The following IGFL2 variants were observed in gnomAD, a reference collection of about 807,000 sequenced individuals.
IGFL2 encodes insulin growth factor-like family member 2.
A neutral mutation model predicts 13.9 loss-of-function variants in IGFL2; 7 were observed. That is an observed-to-expected ratio of 0.51 (90% CI 0.29 to 0.95). The LOEUF is 0.95. Among genes scored for constraint, IGFL2 ranks in the 40% least tolerant of loss-of-function variants. The probability of loss-of-function intolerance (pLI) is 0.08; values close to 1 mark genes in which losing one functional copy is unlikely to be tolerated. For synonymous variants in IGFL2, 55 were observed against 55.8 expected (o/e 0.99, Z 0.07); for missense variants, 138 against 147.8 (o/e 0.93, Z 0.34).
At chr19:46,202,653 A>G in the IGFL2 span, 1 of 152,212 alleles carries the variant, frequency 6.6e-6, no homozygotes, top group Non-Finnish European at 1.5e-5. Flanking sequence ...CAGTGATTAG[A>G]CACCAAGGGA....
chr19:46,102,874 T>C, the IGFL2 span, among the ~76,000 whole-genome samples: 589 of 152,246 alleles, frequency 3.9e-3, 6 homozygotes, highest in African/African-American at 0.014. Flanking sequence ...ATGGCTGCTT[T>C]GAGCAGGATT....
At chr19:46,191,641 T>A in the IGFL2 span, among the ~76,000 whole-genome samples, 1 of 152,102 alleles carries the variant, frequency 6.6e-6, no homozygotes, top group Non-Finnish European at 1.5e-5. Flanking sequence ...CTCTCTCCTT[T>A]TTTTCTCCAA....
At chr19:46,197,140 G>A in the IGFL2 span, 24 of 225,368 alleles carry the variant, frequency 1.1e-4, no homozygotes, top group Middle Eastern at 5.1e-4. Context: ...CCTCGGATGG[G>A]ACCCAGAGGG....
the IGFL2 span, among the ~76,000 whole-genome samples, chr19:46,205,973 G>A: frequency 6.6e-6 from 1 of 152,144 alleles, no homozygotes; most frequent in Non-Finnish European, 1.5e-5. Flanking sequence ...GGAAGGGCTG[G>A]GAAGCTGACA....
the IGFL2 span, among the ~76,000 whole-genome samples, chr19:46,087,145 T>G: frequency 6.6e-6 from 1 of 151,974 alleles, no homozygotes. Flanking sequence ...GCAGTGGTAT[T>G]TGGATGGGTG....
upstream of IGFL2, among the ~76,000 whole-genome samples, chr19:46,140,356 C>T (rs1972807756): frequency 6.6e-6 from 1 of 152,104 alleles, no homozygotes. Context: ...AAGAAAGTCT[C>T]AGCTTCCAGA....
chr19:46,205,209 T>G, the IGFL2 span, among the ~76,000 whole-genome samples: 1 of 152,144 alleles, frequency 6.6e-6, no homozygotes, highest in African/African-American at 2.4e-5. Flanking sequence ...AAAAGCACCC[T>G]CCAAATCATA....
At chr19:46,197,056 C>T in the IGFL2 span, 9 of 219,826 alleles carry the variant, frequency 4.1e-5, no homozygotes, top group East Asian at 8.8e-4. Context: ...TGATGCTGTG[C>T]CAGCCACAGG....
chr19:46,188,087 A>C, the IGFL2 span, among the ~76,000 whole-genome samples: 1 of 152,198 alleles, frequency 6.6e-6, no homozygotes, highest in Non-Finnish European at 1.5e-5. Flanking sequence ...TAGCATTCCA[A>C]TAATGGAACA....
the IGFL2 span, among the ~76,000 whole-genome samples, chr19:46,109,884 T>G: frequency 6.6e-6 from 1 of 152,228 alleles, no homozygotes; most frequent in Non-Finnish European, 1.5e-5. Flanking sequence ...TTCACTTCTT[T>G]TGTGGATCTT....
the IGFL2 span, among the ~76,000 whole-genome samples, chr19:46,186,229 G>A: frequency 5.3e-5 from 8 of 152,178 alleles, 1 homozygote; most frequent in Non-Finnish European, 1.5e-5. Flanking sequence ...ACCAGGAAAC[G>A]GCCGTGGATC....
Position 46,161,178 on chromosome 19 carries a change from T to C in IGFL2, c.*90T>C. Reference sequence around the variant, plus strand: ...TGTACCAGTAGAGAAGCCTGAGGAATTTACAAAATGATGCAGCTCCAAGCC... The same window carrying C: ...TGTACCAGTAGAGAAGCCTGAGGAACTTACAAAATGATGCAGCTCCAAGCC... On this transcript the variant is annotated 3_prime_UTR_variant, in exon 4 of 4. Transcript: ENST00000377693. The C allele has an allele frequency of 1.0e-6, 1 of 1,000,584 alleles. No individual in the cohort carries two copies. Among genetic ancestry groups the C allele is most frequent in the South Asian group, 1.4e-5 (1 of 69,828 alleles). 62.0% of individuals were successfully genotyped at this position (1,000,584 alleles called of 1,614,324 possible). A position where few individuals can be genotyped will look rare whatever the true frequency, so the allele number is the denominator to read the frequency against.
At chr19:46,114,519 G>A in the IGFL2 span, among the ~76,000 whole-genome samples, 1 of 152,150 alleles carries the variant, frequency 6.6e-6, no homozygotes, top group African/African-American at 2.4e-5. Flanking sequence ...TTGGCTCTGT[G>A]TCCCCACCCA....
Position 46,148,968 on chromosome 19 carries a change from T to C in IGFL2, c.19+671T>C, listed in dbSNP as rs367994061. ...GCACTATTGCCTGGAGTTCCTGGGCTCTCAGCGCCAGGAAATCATGAGGTT... is the reference window on the plus strand; with the variant it reads ...GCACTATTGCCTGGAGTTCCTGGGCCCTCAGCGCCAGGAAATCATGAGGTT... On this transcript the variant is annotated intron_variant, in intron 1 of 3. Transcript: ENST00000377693. 53 of 1,587,470 alleles carry C rather than the reference T, an allele frequency of 3.3e-5. No homozygotes were observed. The African/African-American group carries it at 6.7e-4, about 20-fold the overall frequency.
chr19:46,136,853 G>T, the IGFL2 span: 1 of 724,934 alleles, frequency 1.4e-6, no homozygotes, highest in Admixed American at 1.7e-5. Flanking sequence ...TTGGAGTAGG[G>T]GGAGGAGTGT....
At chr19:46,180,932 A>G in the IGFL2 span, among the ~76,000 whole-genome samples, 1 of 152,178 alleles carries the variant, frequency 6.6e-6, no homozygotes, top group Non-Finnish European at 1.5e-5. Context: ...AGCCGATTGG[A>G]TGGTGCCCCC....
At chr19:46,153,839 A>ATTTTTT (rs1555744721) in intron 1 of IGFL2, among the ~76,000 whole-genome samples, 1 of 139,366 alleles carries the variant, frequency 7.2e-6, no homozygotes, top group Non-Finnish European at 1.5e-5. Flanking sequence ...ATATATATAT[A>ATTTTTT]TTTTTTTTAC....
At chr19:46,182,365 T>TAAAAAAAAAAAAAAAA in the IGFL2 span, among the ~76,000 whole-genome samples, 16 of 78,680 alleles carry the variant, frequency 2.0e-4, no homozygotes, top group African/African-American at 6.0e-4. Flanking sequence ...AGACTTTGCC[T>TAAAAAAAAAAAAAAAA]AAAAAAAAAA....
intron 1 of IGFL2, among the ~76,000 whole-genome samples, chr19:46,155,214 T>G (rs1973751070): frequency 6.6e-6 from 1 of 152,150 alleles, no homozygotes. Flanking sequence ...AGCCACAATT[T>G]CTAACTAATA....
Sources: gnomAD v4.1 joint callset for allele counts (sites outside exome capture counted in the v4.1 genomes callset) on GRCh38, gnomAD v4.1.1 for gene constraint, MANE v1.5 for transcripts, NCBI Gene and HGNC (gene_info 2026-07-23, HGNC 2026-07-21) for gene names.